AFF1: variants seen among roughly 807,000 people sequenced by gnomAD.
AFF1 encodes ALF transcription elongation factor 1, also known as AF4/FMR2 family member 1.
Under a neutral mutation model 121.7 loss-of-function variants are expected in AFF1, and 48 were observed. The ratio of observed to expected loss-of-function variants is 0.39; its 90% CI spans 0.31 to 0.50. AFF1 has a LOEUF of 0.50. AFF1 is among the 20% of genes least tolerant of loss of function. The probability of loss-of-function intolerance (pLI) is 0.76; values close to 1 mark genes in which losing one functional copy is unlikely to be tolerated. For synonymous variants in AFF1, 613 were observed against 563.0 expected (o/e 1.09, Z -1.26); for missense variants, 1,523 against 1,511.7 (o/e 1.01, Z -0.12).
intron 8 of AFF1, among the ~76,000 whole-genome samples, chr4:87,096,232 GGTTTTT>G (rs1444684297): frequency 2.0e-5 from 3 of 151,422 alleles, no homozygotes; most frequent in South Asian, 2.1e-4. Context: ...TAGATGATGA[GGTTTTT>G]GTTTTTGTTG....
In AFF1 at chr4:87,111,218, C is replaced by T. The variant is rs1477799887; in HGVS notation, c.1533+2903C>T. 4.7e-5 allele frequency among the ~76,000 whole-genome samples: 2 copies of T among 42,760 alleles called. 1 individual carries two copies. 28.1% of individuals were successfully genotyped at this position (42,760 alleles called of 152,430 possible). On this transcript the variant is annotated intron_variant, in intron 11 of 20. Transcript: ENST00000395146. Reference sequence around the variant, plus strand: ...TTTTTTAGTAGAGACGGGGTTTCACCGTGTTAGCCAGGATGGTCTCGATCT... The same window carrying T: ...TTTTTTAGTAGAGACGGGGTTTCACTGTGTTAGCCAGGATGGTCTCGATCT...
intron 2 of AFF1, among the ~76,000 whole-genome samples, chr4:87,032,148 T>G (rs1045192287): frequency 2.0e-5 from 3 of 152,218 alleles, no homozygotes; most frequent in Non-Finnish European, 4.4e-5. Context: ...ACTTACTGTT[T>G]AGCTTTAAGG....
intron 2 of AFF1, chr4:87,006,920 C>T: frequency 1.0e-6 from 1 of 997,652 alleles, no homozygotes; most frequent in East Asian, 6.8e-5. Context: ...AGTAGGCGGG[C>T]CGTACCACCG....
At chr4:87,075,729 A>G (rs905599542) in intron 4 of AFF1, among the ~76,000 whole-genome samples, 2 of 152,204 alleles carry the variant, frequency 1.3e-5, no homozygotes, top group African/African-American at 4.8e-5. Context: ...TCACAAGATA[A>G]TACTTCTTTA....
At chr4:87,032,973 A>AC (rs1483046416) in intron 2 of AFF1, among the ~76,000 whole-genome samples, 1 of 152,050 alleles carries the variant, frequency 6.6e-6, no homozygotes, top group Admixed American at 6.5e-5. Context: ...ACAAAGCAAG[A>AC]CCCCATCTCT....
chr4:87,075,193 G>A (rs1722524082), intron 4 of AFF1, among the ~76,000 whole-genome samples: 2 of 151,734 alleles, frequency 1.3e-5, no homozygotes, highest in African/African-American at 4.8e-5. Flanking sequence ...CTTCCCATTG[G>A]GTTTTATAAG....
In AFF1 at chr4:87,115,047, G is replaced by C; in HGVS notation, c.2214G>C (p.Gln738His). ...GCTGCCGCCAAGCCGTGGTGGTCCA[G>C]GAGGACAGCCGCAAAGACAGACTCC... Reference protein sequence around the residue: ...TSGCRQAVVVQEDSRKDRLPL... With the variant: ...TSGCRQAVVVHEDSRKDRLPL... The change falls in exon 12 of 21, where the codon CAG becomes CAC. Residue 738 changes from glutamine to histidine, a missense_variant. Gln to His is a conservative substitution (Grantham distance 24). Around this residue, in one of 5 missense-constraint regions of AFF1, gnomAD observed 905 missense variants for 842.5 expected, o/e 1.07. Coordinates refer to ENST00000395146, the MANE Select transcript of AFF1 (RefSeq NM_001166693.3). 6.2e-7 allele frequency: 1 copy of C among 1,614,190 alleles called. No individual in the cohort carries two copies.
chr4:86,991,050 G>C (rs1724662345), intron 2 of AFF1, among the ~76,000 whole-genome samples: 1 of 152,142 alleles, frequency 6.6e-6, no homozygotes, highest in African/African-American at 2.4e-5. Context: ...TACTCAGGAG[G>C]CTGAGGCAGG....
intron 13 of AFF1, 46 bp downstream of exon 13, chr4:87,125,189 T>C (rs1344853942): frequency 3.5e-6 from 5 of 1,447,370 alleles, no homozygotes. Context: ...TGATCAACAC[T>C]TCTTGGGTCT....
At chr4:87,039,656 G>A (rs940259889) in intron 2 of AFF1, among the ~76,000 whole-genome samples, 2 of 152,156 alleles carry the variant, frequency 1.3e-5, no homozygotes, top group Admixed American at 1.3e-4. Context: ...TGGAGGAGGT[G>A]GCTTGATGAA....
At chr4:86,973,120 C>T (rs1180481282) in intron 2 of AFF1, among the ~76,000 whole-genome samples, 3 of 152,080 alleles carry the variant, frequency 2.0e-5, no homozygotes, top group Non-Finnish European at 4.4e-5. Context: ...CTTGGTGTTG[C>T]AATCAACTTG....
chr4:86,995,925 C>T (rs1432775628), intron 2 of AFF1, among the ~76,000 whole-genome samples: 1 of 151,334 alleles, frequency 6.6e-6, no homozygotes, highest in African/African-American at 2.4e-5. Flanking sequence ...TGCCCTGCCG[C>T]CCCGTCCGGG....
intron 5 of AFF1, among the ~76,000 whole-genome samples, chr4:87,084,550 C>CAATAAATA (rs58068934): frequency 0.014 from 1,938 of 136,914 alleles, 23 homozygotes; most frequent in East Asian, 0.027. Flanking sequence ...ACTATGTCTC[C>CAATAAATA]AATAAATAAA....
chr4:86,999,406 C>T (rs1395836291), intron 2 of AFF1, among the ~76,000 whole-genome samples: 1 of 152,040 alleles, frequency 6.6e-6, no homozygotes, highest in East Asian at 1.9e-4. Context: ...CCTTACAGAC[C>T]CTAGAGGCAG....
chr4:86,998,859 C>T (rs1381076160), intron 2 of AFF1, among the ~76,000 whole-genome samples: 2 of 152,150 alleles, frequency 1.3e-5, no homozygotes, highest in Admixed American at 1.3e-4. Context: ...TCCCATCCCT[C>T]TACTTTCAGT....
chr4:86,975,093 C>A (rs1191635292), intron 2 of AFF1, among the ~76,000 whole-genome samples: 2 of 151,356 alleles, frequency 1.3e-5, no homozygotes, highest in African/African-American at 2.4e-5. Context: ...GCTTTTCCTA[C>A]TTCTCTCTTG....
intron 2 of AFF1, among the ~76,000 whole-genome samples, chr4:86,991,990 G>A (rs1017453153): frequency 2.0e-5 from 3 of 152,088 alleles, no homozygotes; most frequent in Admixed American, 6.6e-5. Flanking sequence ...TGCAGAAGTC[G>A]TCTAGCTGAG....
chr4:87,114,827 A>G lies in AFF1; in HGVS notation c.1994A>G (p.Glu665Gly). ...CGGCCCCGGGCCGCAGCAAGCAACG[A>G]ACCCAAGCCAGCAGTGCCCCCCTCC... is the stretch of plus-strand genomic sequence containing the variant. ...KGRPRAAASNEPKPAVPPSSE... is the reference protein window; with the variant it reads ...KGRPRAAASNGPKPAVPPSSE... Residue 665 changes from glutamate (E) to glycine (G), a missense_variant, in exon 12 of 21, where the codon GAA becomes GGA. Around this residue, in one of 5 missense-constraint regions of AFF1, gnomAD observed 905 missense variants for 842.5 expected, o/e 1.07. Transcript: ENST00000395146. 6.2e-7 allele frequency: 1 copy of G among 1,613,816 alleles called. No homozygotes were observed. Among genetic ancestry groups the G allele is most frequent in the Non-Finnish European group, 8.5e-7 (1 of 1,179,854 alleles).
At chr4:86,969,879 CA>C (rs70953629) in intron 2 of AFF1, among the ~76,000 whole-genome samples, 13,538 of 63,632 alleles carry the variant, frequency 0.21, 1,549 homozygotes, top group Admixed American at 0.38. Flanking sequence ...GACTCCGTCT[CA>C]AAAAAAAAAA....
Sources: allele counts gnomAD v4.1 joint callset (sites outside exome capture counted in the v4.1 genomes callset), GRCh38; gene constraint gnomAD v4.1.1; regional missense constraint gnomAD v4.1.1; transcripts MANE v1.5; gene names NCBI Gene and HGNC (gene_info 2026-07-23, HGNC 2026-07-21).